Variants in CHAC2 observed in about 807,000 individuals in gnomAD.
CHAC2 encodes ChaC glutathione specific gamma-glutamylcyclotransferase 2, also known as glutathione-specific gamma-glutamylcyclotransferase 2.
Under a neutral mutation model 16.9 loss-of-function variants are expected in CHAC2, and 20 were observed. The observed-to-expected ratio is 1.18, with a 90% CI of 0.83 to 1.72. The LOEUF (loss-of-function observed/expected upper bound fraction) is 1.72. Ranked by LOEUF, CHAC2 falls within the 40% of genes most tolerant of loss-of-function variation. CHAC2 has a pLI of 0.00. For synonymous variants in CHAC2, 91 were observed against 77.3 expected, an observed-to-expected ratio of 1.18 and a Z score of -0.93; for missense variants, 269 against 222.2, an observed-to-expected ratio of 1.21 and a Z score of -1.34.
Position 53,771,907 on chromosome 2 carries a change from C to G in CHAC2, c.136C>G (p.Pro46Ala). The change falls in exon 2 of 3, where the codon CCT becomes GCT. Residue 46 changes from proline to alanine, a missense_variant and splice_region_variant. Pro to Ala is a conservative substitution (Grantham distance 27, BLOSUM62 -1). Coordinates refer to ENST00000295304, the MANE Select transcript of CHAC2 (RefSeq NM_001008708.4). ...ATTTTTTTTTACCTTTTTAAAACAG[C>G]CTGGAAGAGTTGTGACTCTTGTTGA... ...STDHRGVPGK[P>A]GRVVTLVEDP... 3 of 1,561,872 alleles carry G rather than the reference C, an allele frequency of 1.9e-6. No individual in the cohort carries two copies. Among genetic ancestry groups the G allele is most frequent in the Non-Finnish European group, 2.6e-6 (3 of 1,148,634 alleles).
intron 1 of CHAC2, among the ~76,000 whole-genome samples, chr2:53,769,110 T>C (rs949056058): frequency 6.6e-6 from 1 of 152,218 alleles, no homozygotes; most frequent in Non-Finnish European, 1.5e-5. Context: ...TTAGGATAAA[T>C]GCACATTTAC....
At position 53,774,696 on chromosome 2, in the gene CHAC2, C is replaced by G. The variant is rs1455186070; in HGVS notation, c.*171C>G. The G allele has an allele frequency of 5.8e-6, 3 of 515,066 alleles. No individual in the cohort carries two copies. The highest frequency in any genetic ancestry group is 9.7e-6 in the Non-Finnish European group (3 of 309,712). The allele number at this position is 515,066 out of a possible 1,614,324, so 31.9% of individuals were successfully genotyped here. Reference sequence around the variant, plus strand: ...ATTGGGATACAGTGAAAGAAAAATTCAAATTTTAATAACATAAAGATTTCC... The same window carrying G: ...ATTGGGATACAGTGAAAGAAAAATTGAAATTTTAATAACATAAAGATTTCC... On this transcript the variant is annotated 3_prime_UTR_variant, in exon 3 of 3. Transcript: ENST00000295304.
chr2:53,772,953 C>G (rs935866792), intron 2 of CHAC2, among the ~76,000 whole-genome samples: 8 of 152,114 alleles, frequency 5.3e-5, no homozygotes, highest in Admixed American at 2.6e-4. Flanking sequence ...ACCAACAATC[C>G]TCAGTTTCTT....
Position 53,770,571 on chromosome 2 carries a change from C to T in CHAC2, c.136-1336C>T, listed in dbSNP as rs540002480. 2.9e-4 allele frequency among the ~76,000 whole-genome samples: 41 copies of T among 142,060 alleles called. 2 individuals carry two copies. The South Asian group carries it at 9.1e-3, about 32-fold the overall frequency. The allele number at this position is 142,060 out of a possible 152,430, so 93.2% of individuals were successfully genotyped here. A position where few individuals can be genotyped will look rare whatever the true frequency, so the allele number is the denominator to read the frequency against. Reference sequence around the variant, plus strand: ...CACCTTTGTGCCTTAAATTATGGAACATTCCAAGTCTGGACTTTCTCTAAG... The same window carrying T: ...CACCTTTGTGCCTTAAATTATGGAATATTCCAAGTCTGGACTTTCTCTAAG... On this transcript the variant is annotated intron_variant, in intron 1 of 2. Transcript: ENST00000295304.
intron 1 of CHAC2, among the ~76,000 whole-genome samples, chr2:53,769,915 T>C (rs17045214): frequency 0.013 from 1,945 of 152,304 alleles, 40 homozygotes; most frequent in African/African-American, 0.044. Flanking sequence ...CTTAATACCA[T>C]ACATCTTAGC....
intron 2 of CHAC2, among the ~76,000 whole-genome samples, chr2:53,773,155 T>C (rs1674064716): frequency 6.6e-6 from 1 of 152,192 alleles, no homozygotes; most frequent in Non-Finnish European, 1.5e-5. Context: ...ATCTTCAAAT[T>C]GGTAACTTAT....
chr2:53,767,872 AG>A lies in CHAC2; in HGVS notation c.-13del, dbSNP rs1673590570. The stretch of plus-strand genomic sequence containing the variant: ...CTAGGGTTCACGGCCACTGGGGCAG[AG>A]GAGCCGCGAGAAGATGTGGGTTTTT... On this transcript the variant is annotated 5_prime_UTR_variant, in exon 1 of 3. Transcript: ENST00000295304. 1.3e-6 allele frequency: 2 copies of A among 1,599,154 alleles called. No individual in the cohort carries two copies. The highest frequency in any genetic ancestry group is 2.2e-5 in the South Asian group (2 of 89,036).
At chr2:53,768,185 C>A in intron 1 of CHAC2, 164 bp downstream of exon 1, 1 of 791,260 alleles carries the variant, frequency 1.3e-6, no homozygotes, top group Non-Finnish European at 1.9e-6. Context: ...ACCTGCCCGC[C>A]ATCTCTAACC....
At chr2:53,770,335 G>A (rs1673811506) in intron 1 of CHAC2, among the ~76,000 whole-genome samples, 1 of 151,944 alleles carries the variant, frequency 6.6e-6, no homozygotes, top group African/African-American at 2.4e-5. Flanking sequence ...AAAGGAAATA[G>A]CAACAAAGAT....
At chr2:53,772,035 T>C (rs1673956945) in intron 2 of CHAC2, 93 bp downstream of exon 2, 6 of 742,924 alleles carry the variant, frequency 8.1e-6, no homozygotes, top group Non-Finnish European at 1.3e-5. Flanking sequence ...TCACAGACAA[T>C]TTGAACTACC....
intron 1 of CHAC2, 25 bp downstream of exon 1, chr2:53,768,046 A>T: frequency 6.2e-7 from 1 of 1,610,420 alleles, no homozygotes; most frequent in Non-Finnish European, 8.5e-7. Context: ...AGCTCCCCAC[A>T]CTTACTGCCC....
chr2:53,771,252 C>T (rs1451303260), intron 1 of CHAC2, among the ~76,000 whole-genome samples: 3 of 152,256 alleles, frequency 2.0e-5, no homozygotes, highest in Admixed American at 1.3e-4. Context: ...CGGTGGCTCA[C>T]GCCTGTAATC....
chr2:53,772,272 T>C (rs1277766528), intron 2 of CHAC2, among the ~76,000 whole-genome samples: 1 of 152,122 alleles, frequency 6.6e-6, no homozygotes, highest in South Asian at 2.1e-4. Context: ...CCTCCCGGGT[T>C]CACGCCATTC....
Position 53,774,160 on chromosome 2 carries a change from G to A in CHAC2, c.190G>A (p.Ala64Thr), listed in dbSNP as rs1674159114. The change falls in exon 3 of 3, where the codon GCT (alanine) becomes ACT (threonine). Residue 64 changes from alanine to threonine, a missense_variant. Physicochemically the swap from Ala to Thr is moderately conservative, Grantham distance 58. Transcript: ENST00000295304. ...EDPAGCVWGVAYRLPVGKEEE... is the reference protein window; with the variant it reads ...EDPAGCVWGVTYRLPVGKEEE... ...TCAACAGGGATGTGTATGGGGTGTT[G>A]CTTACAGATTGCCAGTAGGAAAGGA... 2 of 1,609,634 alleles carry A rather than the reference G, an allele frequency of 1.2e-6. No individual in the cohort carries two copies. The highest frequency in any genetic ancestry group is 1.7e-5 in the Admixed American group (1 of 59,424).
intron 1 of CHAC2, among the ~76,000 whole-genome samples, chr2:53,769,941 A>G (rs1673779020): frequency 6.6e-6 from 1 of 152,234 alleles, no homozygotes; most frequent in Non-Finnish European, 1.5e-5. Flanking sequence ...TCTTAGCTCT[A>G]TTTATTTCAC....
rs542792923 is a variant in CHAC2, at chr2:53,770,657, C to G, written c.136-1250C>G. Among the ~76,000 whole-genome samples, 135 of 152,144 alleles carry G rather than the reference C, an allele frequency of 8.9e-4. No individual in the cohort carries two copies. In the Middle Eastern group the frequency reaches 0.014, roughly 15 times the overall value. The stretch of plus-strand genomic sequence containing the variant: ...CTTTGAAATGGGAGAACAAATAAAA[C>G]TTGTTTTGGCTTCATAATATATCAT... On this transcript the variant is annotated intron_variant, in intron 1 of 2. Transcript: ENST00000295304.
At chr2:53,769,035 CT>C (rs1464865335) in intron 1 of CHAC2, among the ~76,000 whole-genome samples, 1 of 152,200 alleles carries the variant, frequency 6.6e-6, no homozygotes, top group East Asian at 1.9e-4. Context: ...AAGAACTTGG[CT>C]TTTAAGTAGA....
At position 53,774,821 on chromosome 2, in the gene CHAC2, A is replaced by G. The variant is rs1314071150; in HGVS notation, c.*296A>G. 4.3e-6 allele frequency: 1 copy of G among 232,558 alleles called. No homozygotes were observed. Among genetic ancestry groups the G allele is most frequent in the East Asian group, 9.0e-5 (1 of 11,144 alleles). The allele number at this position is 232,558 out of a possible 1,614,324, so 14.4% of individuals were successfully genotyped here. On this transcript the variant is annotated 3_prime_UTR_variant, in exon 3 of 3. Coordinates refer to ENST00000295304, the MANE Select transcript of CHAC2 (RefSeq NM_001008708.4). ...TCTTGTTTTTATCAGAGTGATAATC[A>G]TCCTGTTTCACATCCCAATACTATT...
At chr2:53,770,663 T>C (rs1046375946) in intron 1 of CHAC2, among the ~76,000 whole-genome samples, 3 of 152,182 alleles carry the variant, frequency 2.0e-5, no homozygotes, top group Non-Finnish European at 4.4e-5. Flanking sequence ...AAAACTTGTT[T>C]TGGCTTCATA....
Sources: gnomAD v4.1 joint callset for allele counts (sites outside exome capture counted in the v4.1 genomes callset) on GRCh38, gnomAD v4.1.1 for gene constraint, MANE v1.5 for transcripts, NCBI Gene and HGNC (gene_info 2026-07-23, HGNC 2026-07-21) for gene names.